The following UBE2E2 variants were observed in gnomAD, a reference collection of about 807,000 sequenced individuals.
UBE2E2 encodes the protein ubiquitin-conjugating enzyme E2 E2.
Under a neutral mutation model 24.7 loss-of-function variants are expected in UBE2E2, and 6 were observed. That is an observed-to-expected ratio of 0.24 (90% CI 0.13 to 0.48). The LOEUF (loss-of-function observed/expected upper bound fraction) is 0.48. Ranked by LOEUF, UBE2E2 falls within the 20% of genes least tolerant of loss-of-function variation. The probability of loss-of-function intolerance (pLI) is 0.99; values close to 1 mark genes in which losing one functional copy is unlikely to be tolerated. For missense variants in UBE2E2, 169 were observed against 245.0 expected, an observed-to-expected ratio of 0.69 and a Z score of 2.07; for synonymous variants, 104 against 83.6, an observed-to-expected ratio of 1.24 and a Z score of -1.33.
chr3:23,445,635 C>T (rs1698411070), intron 3 of UBE2E2, among the ~76,000 whole-genome samples: 1 of 152,174 alleles, frequency 6.6e-6, no homozygotes, highest in South Asian at 2.1e-4. Flanking sequence ...GACAGTTGGT[C>T]ATGAAGGAGA....
intron 3 of UBE2E2, among the ~76,000 whole-genome samples, chr3:23,467,663 G>A (rs985553512): frequency 6.6e-6 from 1 of 152,132 alleles, no homozygotes; most frequent in Non-Finnish European, 1.5e-5. Context: ...CTATGGTTAT[G>A]TAACCCCACC....
intron 3 of UBE2E2, among the ~76,000 whole-genome samples, chr3:23,469,836 T>C (rs890669488): frequency 1.3e-5 from 2 of 152,242 alleles, no homozygotes; most frequent in African/African-American, 4.8e-5. Flanking sequence ...CTCTGATTTC[T>C]AAAATAAGCA....
At chr3:23,418,248 C>G (rs1697695461) in intron 3 of UBE2E2, among the ~76,000 whole-genome samples, 2 of 152,206 alleles carry the variant, frequency 1.3e-5, no homozygotes, top group Non-Finnish European at 2.9e-5. Context: ...AGCGTAGTAT[C>G]AGGGCCAGAG....
chr3:23,412,273 A>G (rs1697512258), intron 3 of UBE2E2, among the ~76,000 whole-genome samples: 1 of 152,196 alleles, frequency 6.6e-6, no homozygotes, highest in Non-Finnish European at 1.5e-5. Flanking sequence ...TTGTGTTTTT[A>G]AAGAAAAGAT....
intron 1 of UBE2E2, chr3:23,204,639 A>G: frequency 1.0e-6 from 1 of 962,550 alleles, no homozygotes; most frequent in Non-Finnish European, 1.2e-6. Context: ...TGACGCTGAA[A>G]TAGAGTGTTT....
intron 3 of UBE2E2, among the ~76,000 whole-genome samples, chr3:23,477,477 C>T (rs972906897): frequency 6.6e-6 from 1 of 152,156 alleles, no homozygotes; most frequent in African/African-American, 2.4e-5. Context: ...TATTTGCTTA[C>T]TGTTATCTTC....
chr3:23,261,224 A>G (rs1697894150), intron 3 of UBE2E2, among the ~76,000 whole-genome samples: 1 of 152,132 alleles, frequency 6.6e-6, no homozygotes, highest in Admixed American at 6.5e-5. Flanking sequence ...GTCTTTTAAA[A>G]AGTATAATAT....
At chr3:23,278,954 A>T (rs1418654260) in intron 3 of UBE2E2, among the ~76,000 whole-genome samples, 1 of 152,076 alleles carries the variant, frequency 6.6e-6, no homozygotes, top group Non-Finnish European at 1.5e-5. Context: ...TTTTTTTAAT[A>T]ATTTGATAAT....
At chr3:23,405,996 A>G (rs759970965) in intron 3 of UBE2E2, among the ~76,000 whole-genome samples, 3 of 152,132 alleles carry the variant, frequency 2.0e-5, no homozygotes, top group Non-Finnish European at 2.9e-5. Flanking sequence ...TTCTAATGAC[A>G]TTTTTCTCCA....
intron 2 of UBE2E2, among the ~76,000 whole-genome samples, chr3:23,215,049 A>G (rs1425290320): frequency 6.6e-6 from 1 of 152,108 alleles, no homozygotes; most frequent in African/African-American, 2.4e-5. Flanking sequence ...ATGATAGTTA[A>G]AATTTTTTTA....
intron 5 of UBE2E2, among the ~76,000 whole-genome samples, chr3:23,557,061 C>T (rs1416569847): frequency 6.6e-6 from 1 of 152,168 alleles, no homozygotes; most frequent in African/African-American, 2.4e-5. Flanking sequence ...TAATACTAAA[C>T]ATTGAAATAG....
intron 4 of UBE2E2, among the ~76,000 whole-genome samples, chr3:23,520,804 G>A (rs1276890692): frequency 4.6e-5 from 7 of 152,058 alleles, no homozygotes; most frequent in Admixed American, 4.6e-4. Flanking sequence ...AACCATGCCT[G>A]GATAGTTTTT....
At chr3:23,582,589 TG>T (rs1696508990) in intron 5 of UBE2E2, among the ~76,000 whole-genome samples, 1 of 152,240 alleles carries the variant, frequency 6.6e-6, no homozygotes, top group Non-Finnish European at 1.5e-5. Context: ...GTTTTAATAA[TG>T]GTCATTCTGA....
intron 3 of UBE2E2, among the ~76,000 whole-genome samples, chr3:23,344,451 G>T (rs17013049): frequency 0.029 from 4,389 of 152,000 alleles, 110 homozygotes; most frequent in East Asian, 0.13. Flanking sequence ...GCAAACTAAC[G>T]CCTTTGAATT....
intron 3 of UBE2E2, among the ~76,000 whole-genome samples, chr3:23,397,782 T>G (rs535131665): frequency 6.6e-6 from 1 of 152,312 alleles, no homozygotes; most frequent in South Asian, 2.1e-4. Flanking sequence ...TGGTGAACAT[T>G]TTAATATAAT....
chr3:23,572,149 A>G (rs1462941162), intron 5 of UBE2E2, among the ~76,000 whole-genome samples: 3 of 152,150 alleles, frequency 2.0e-5, no homozygotes, highest in Non-Finnish European at 4.4e-5. Flanking sequence ...AATGTCCATT[A>G]TTTGATTTAA....
At chr3:23,216,588 G>A (rs569215962) in intron 2 of UBE2E2, among the ~76,000 whole-genome samples, 46 of 152,160 alleles carry the variant, frequency 3.0e-4, no homozygotes, top group African/African-American at 9.4e-4. Flanking sequence ...AAACAGTGGC[G>A]CACTTTCAGC....
intron 3 of UBE2E2, among the ~76,000 whole-genome samples, chr3:23,417,537 G>A (rs1015193052): frequency 6.6e-6 from 1 of 152,192 alleles, no homozygotes; most frequent in Non-Finnish European, 1.5e-5. Flanking sequence ...TTGGGTCAGG[G>A]ACCCACTTGA....
At chr3:23,421,848 G>A (rs906861824) in intron 3 of UBE2E2, among the ~76,000 whole-genome samples, 3 of 152,276 alleles carry the variant, frequency 2.0e-5, no homozygotes, top group African/African-American at 7.2e-5. Flanking sequence ...TGCGAGGGAG[G>A]TGAGAGATAA....
Sources: allele counts gnomAD v4.1 joint callset (sites outside exome capture counted in the v4.1 genomes callset), GRCh38; gene constraint gnomAD v4.1.1; transcripts MANE v1.5; gene names NCBI Gene and HGNC (gene_info 2026-07-23, HGNC 2026-07-21).